The following EFNA5 variants were observed in gnomAD, a reference collection of about 807,000 sequenced individuals.
EFNA5 encodes the protein ephrin A5.
A neutral mutation model predicts 22.9 loss-of-function variants in EFNA5; 5 were observed. The observed-to-expected ratio is 0.22, with a 90% confidence interval of 0.11 to 0.46. EFNA5 has a LOEUF of 0.46. EFNA5 is among the 20% of genes least tolerant of loss of function. The pLI is 0.99. For synonymous variants in EFNA5, 113 were observed against 112.2 expected (o/e 1.01, Z -0.04); for missense variants, 237 against 293.3 (o/e 0.81, Z 1.40).
chr5:107,394,543 T>C, intron 2 of EFNA5, among the ~76,000 whole-genome samples: 1 of 152,128 alleles, frequency 6.6e-6, no homozygotes, highest in East Asian at 1.9e-4. Context: ...GAAAAAATAA[T>C]TAGAGTAAAC....
chr5:107,556,784 A>ATAAAT (rs1748429345), intron 1 of EFNA5, among the ~76,000 whole-genome samples: 1 of 113,992 alleles, frequency 8.8e-6, no homozygotes, highest in South Asian at 3.4e-4. Flanking sequence ...AAATAAATAA[A>ATAAAT]TAAATAAAAT....
At chr5:107,493,456 T>A (rs1013996809) in intron 1 of EFNA5, among the ~76,000 whole-genome samples, 9 of 152,238 alleles carry the variant, frequency 5.9e-5, no homozygotes, top group African/African-American at 2.2e-4. Context: ...ATAGTCACTG[T>A]TCCTACCAGC....
In EFNA5 at chr5:107,415,476, T is replaced by C. The variant is rs1011009051; in HGVS notation, c.418+11741A>G. Among the ~76,000 whole-genome samples the C allele has an allele frequency of 6.6e-5, 10 of 152,192 alleles. No homozygotes were observed. The South Asian group carries it at 1.9e-3, about 28-fold the overall frequency. On this transcript the variant is annotated intron_variant, in intron 2 of 4. Transcript: ENST00000333274. Reference sequence around the variant, plus strand: ...TTCATTGATCCCTGAGTTTATGCTGTTCTGATTCCTTATCAGGAGAGGCGA... The same window carrying C: ...TTCATTGATCCCTGAGTTTATGCTGCTCTGATTCCTTATCAGGAGAGGCGA...
chr5:107,545,515 T>TATAC, intron 1 of EFNA5, among the ~76,000 whole-genome samples: 1 of 152,342 alleles, frequency 6.6e-6, no homozygotes, highest in Non-Finnish European at 1.5e-5. Context: ...TACCTGTTTC[T>TATAC]ATACTTGCAT....
intron 1 of EFNA5, among the ~76,000 whole-genome samples, chr5:107,610,308 G>C (rs1029919618): frequency 6.6e-6 from 1 of 152,224 alleles, no homozygotes; most frequent in African/African-American, 2.4e-5. Context: ...TATCATGAGG[G>C]GAGCATTTAC....
intron 1 of EFNA5, among the ~76,000 whole-genome samples, chr5:107,485,030 C>G (rs1296944142): frequency 6.7e-6 from 1 of 150,216 alleles, no homozygotes; most frequent in Non-Finnish European, 1.5e-5. Context: ...GTAGGAAATA[C>G]AAATTAAGAA....
chr5:107,469,435 TCA>T (rs2112464134), intron 1 of EFNA5, among the ~76,000 whole-genome samples: 1 of 152,328 alleles, frequency 6.6e-6, no homozygotes, highest in South Asian at 2.1e-4. Context: ...TCAAAATATT[TCA>T]GTTTCCTGCT....
chr5:107,484,080 T>A (rs987632507), intron 1 of EFNA5, among the ~76,000 whole-genome samples: 1 of 152,246 alleles, frequency 6.6e-6, no homozygotes, highest in African/African-American at 2.4e-5. Flanking sequence ...ATGGTACCCA[T>A]CTGCCTTAAA....
At chr5:107,394,234 A>G (rs1441254541) in intron 2 of EFNA5, among the ~76,000 whole-genome samples, 5 of 152,212 alleles carry the variant, frequency 3.3e-5, no homozygotes, top group Admixed American at 1.3e-4. Flanking sequence ...AGGAGCTACT[A>G]AATTTGCCAA....
chr5:107,520,943 A>C (rs1456611634), intron 1 of EFNA5, among the ~76,000 whole-genome samples: 1 of 152,170 alleles, frequency 6.6e-6, no homozygotes, highest in South Asian at 2.1e-4. Flanking sequence ...ATTTGTGTCT[A>C]TTTTCCAAGC....
intron 1 of EFNA5, among the ~76,000 whole-genome samples, chr5:107,615,766 A>G (rs1194009643): frequency 3.3e-5 from 5 of 152,160 alleles, no homozygotes; most frequent in African/African-American, 1.2e-4. Flanking sequence ...AGTCAGTTGG[A>G]GATATAATCA....
rs568073236 is a variant in EFNA5, at chr5:107,556,987, G to A, written c.125+113502C>T. On this transcript the variant is annotated intron_variant, in intron 1 of 4. Coordinates refer to ENST00000333274, the MANE Select transcript of EFNA5 (RefSeq NM_001962.3). The stretch of plus-strand genomic sequence containing the variant: ...ACATCTTACCTGCCCTAAATGACCC[G>A]GTATGTGGCAGACTAGTCATACCAA... 2.5e-4 allele frequency among the ~76,000 whole-genome samples: 38 copies of A among 151,702 alleles called. No homozygotes were observed. The South Asian group carries it at 6.5e-3, about 26-fold the overall frequency.
chr5:107,439,983 C>T (rs889026176), intron 1 of EFNA5, among the ~76,000 whole-genome samples: 1 of 152,268 alleles, frequency 6.6e-6, no homozygotes, highest in South Asian at 2.1e-4. Flanking sequence ...TTATTGGTGG[C>T]CTGTGGTTTA....
intron 1 of EFNA5, among the ~76,000 whole-genome samples, chr5:107,436,145 G>A (rs925763104): frequency 4.6e-5 from 7 of 152,150 alleles, no homozygotes; most frequent in African/African-American, 1.2e-4. Context: ...TTTTAAAACT[G>A]CTATCTCCCA....
At chr5:107,399,919 T>C (rs1361890909) in intron 2 of EFNA5, among the ~76,000 whole-genome samples, 3 of 152,234 alleles carry the variant, frequency 2.0e-5, no homozygotes, top group Non-Finnish European at 2.9e-5. Context: ...AATTCTAATT[T>C]AAAATATATA....
intron 1 of EFNA5, among the ~76,000 whole-genome samples, chr5:107,518,063 T>C (rs1467804920): frequency 6.6e-6 from 1 of 152,158 alleles, no homozygotes; most frequent in Non-Finnish European, 1.5e-5. Context: ...CTTTAGAATA[T>C]TTCAAATACA....
At chr5:107,587,401 T>C (rs902477642) in intron 1 of EFNA5, among the ~76,000 whole-genome samples, 1 of 152,190 alleles carries the variant, frequency 6.6e-6, no homozygotes, top group African/African-American at 2.4e-5. Context: ...AAGAAATACG[T>C]ACAGTTTTTA....
chr5:107,560,452 T>TA (rs1475151218), intron 1 of EFNA5, among the ~76,000 whole-genome samples: 2 of 152,196 alleles, frequency 1.3e-5, no homozygotes, highest in South Asian at 2.1e-4. Flanking sequence ...TTGGCTGTGT[T>TA]AAAATCTAAG....
chr5:107,561,870 A>C (rs1748552630), intron 1 of EFNA5, among the ~76,000 whole-genome samples: 1 of 151,924 alleles, frequency 6.6e-6, no homozygotes, highest in African/African-American at 2.4e-5. Flanking sequence ...GTATTTTTTC[A>C]TTTACCACTT....
Sources: gnomAD v4.1 joint callset for allele counts (sites outside exome capture counted in the v4.1 genomes callset) on GRCh38, gnomAD v4.1.1 for gene constraint, MANE v1.5 for transcripts, NCBI Gene and HGNC (gene_info 2026-07-23, HGNC 2026-07-21) for gene names.